The following NTNG2 variants were observed in gnomAD, a reference collection of about 807,000 sequenced individuals.
NTNG2 encodes netrin G2, also known as netrin-G2.
NTNG2 carries 15 observed loss-of-function variants against 47.6 expected under a neutral mutation model. The observed-to-expected ratio is 0.32, with a 90% CI of 0.21 to 0.49. The LOEUF is 0.49. Among genes scored for constraint, NTNG2 ranks in the 20% least tolerant of loss-of-function variants. The pLI is 0.99. For missense variants in NTNG2, 578 were observed against 764.6 expected (o/e 0.76, Z 2.88); for synonymous variants, 307 against 324.6 (o/e 0.95, Z 0.58).
At chr9:132,205,984 G>C (rs7849557) in intron 3 of NTNG2, among the ~76,000 whole-genome samples, 20,533 of 152,186 alleles carry the variant, frequency 0.13, 4,028 homozygotes, top group African/African-American at 0.44. Flanking sequence ...AGACTGTCCA[G>C]GTGCAAATTC....
chr9:132,201,865 A>G (rs78219649), intron 3 of NTNG2, among the ~76,000 whole-genome samples: 1,776 of 152,048 alleles, frequency 0.012, 42 homozygotes, highest in African/African-American at 0.04. Context: ...CCTGATCCCC[A>G]CCCCCTGGAG....
Position 132,191,566 on chromosome 9 carries a change from CT to C in NTNG2, c.214-6389del, listed in dbSNP as rs997046584. On this transcript the variant is annotated intron_variant, in intron 2 of 7. Coordinates refer to ENST00000393229, the MANE Select transcript of NTNG2 (RefSeq NM_032536.4). ...AAAATGGGTATGTTAACTCATCTTT[CT>C]TTTTTTTTTTCTTTTAGACAGAGTC... is the stretch of plus-strand genomic sequence containing the variant. 1.6e-3 allele frequency among the ~76,000 whole-genome samples: 233 copies of C among 147,244 alleles called. 1 individual carries two copies. The highest frequency in any genetic ancestry group is 3.7e-3 in the African/African-American group (147 of 40,118).
chr9:132,218,566 G>A lies in NTNG2; in HGVS notation c.858-8283G>A, dbSNP rs140892939. On this transcript the variant is annotated intron_variant, in intron 3 of 7. Coordinates refer to ENST00000393229, the MANE Select transcript of NTNG2 (RefSeq NM_032536.4). The surrounding 1 kb of genome is among the most constrained non-coding windows in gnomAD (Gnocchi z 5.4). ...GGCTGGAGTGCAATGGCATGACCTCGGCCTACTGCAACCTCCACCTGTTGG... is the reference window on the plus strand; with the variant it reads ...GGCTGGAGTGCAATGGCATGACCTCAGCCTACTGCAACCTCCACCTGTTGG... 7.9e-5 allele frequency among the ~76,000 whole-genome samples: 12 copies of A among 152,062 alleles called. No homozygotes were observed. The highest frequency in any genetic ancestry group is 2.4e-4 in the African/African-American group (10 of 41,470).
chr9:132,241,341 T>G, intron 7 of NTNG2: 1 of 442,790 alleles, frequency 2.3e-6, no homozygotes, highest in Non-Finnish European at 4.0e-6. Context: ...GGACGGGGCC[T>G]AGCGAGACGG....
At chr9:132,241,766 C>A in intron 7 of NTNG2, 110 bp from the exon 8 acceptor site, 1 of 782,672 alleles carries the variant, frequency 1.3e-6, no homozygotes. Context: ...CTCCTACATC[C>A]CCGGCCCAGA....
At chr9:132,174,575 G>C (rs1836265381) in intron 2 of NTNG2, among the ~76,000 whole-genome samples, 1 of 152,150 alleles carries the variant, frequency 6.6e-6, no homozygotes, top group African/African-American at 2.4e-5. Flanking sequence ...GTACAAATAA[G>C]ACGAGACCAG....
intron 2 of NTNG2, among the ~76,000 whole-genome samples, chr9:132,192,428 T>C (rs539876202): frequency 3.3e-5 from 5 of 152,164 alleles, no homozygotes; most frequent in African/African-American, 1.2e-4. Context: ...CTGTCTCTAC[T>C]AAAAATACAA....
intron 3 of NTNG2, among the ~76,000 whole-genome samples, chr9:132,213,472 T>C (rs1839757278): frequency 6.6e-6 from 1 of 152,010 alleles, no homozygotes. Context: ...CTTGGCCATG[T>C]AAGCCCGCAG....
Position 132,242,139 on chromosome 9 carries a change from C to A in NTNG2, c.*28C>A. The A allele has an allele frequency of 9.4e-7, 1 of 1,068,134 alleles. No individual in the cohort carries two copies. Among genetic ancestry groups the A allele is most frequent in the Non-Finnish European group, 1.1e-6 (1 of 875,952 alleles). 66.2% of individuals were successfully genotyped at this position (1,068,134 alleles called of 1,614,324 possible). ...CCCGCCCGGAGGACGCTCCCCGCAC[C>A]CGGAGGCCGGGGGTCCCGGGGTCCC... is the stretch of plus-strand genomic sequence containing the variant. On this transcript the variant is annotated 3_prime_UTR_variant, in exon 8 of 8. Transcript: ENST00000393229. The surrounding 1 kb of genome is among the most constrained non-coding windows in gnomAD (Gnocchi z 5.9).
intron 3 of NTNG2, among the ~76,000 whole-genome samples, chr9:132,224,930 T>C (rs1453877558): frequency 6.6e-6 from 1 of 152,208 alleles, no homozygotes; most frequent in Admixed American, 6.5e-5. Context: ...TCTGCTTTTT[T>C]TTTTCCTTTT....
chr9:132,196,520 A>G (rs758577422), intron 2 of NTNG2, among the ~76,000 whole-genome samples: 9 of 152,264 alleles, frequency 5.9e-5, no homozygotes, highest in Non-Finnish European at 1.2e-4. Context: ...CTCATTCATA[A>G]TGGCATGCAT....
chr9:132,228,139 C>T (rs1328063136), intron 4 of NTNG2, among the ~76,000 whole-genome samples: 1 of 152,260 alleles, frequency 6.6e-6, no homozygotes, highest in African/African-American at 2.4e-5. Flanking sequence ...CAGACCAGGC[C>T]TGGGCAGTGG....
intron 2 of NTNG2, among the ~76,000 whole-genome samples, chr9:132,185,766 C>G (rs1184790753): frequency 6.6e-6 from 1 of 151,658 alleles, no homozygotes; most frequent in Non-Finnish European, 1.5e-5. Context: ...GCCAGTGAAG[C>G]CCTGAGTAGG....
chr9:132,198,320 G>A lies in NTNG2; in HGVS notation c.568G>A (p.Ala190Thr), dbSNP rs752051314. The A allele has an allele frequency of 2.5e-6, 4 of 1,612,800 alleles. No individual in the cohort carries two copies. The highest frequency in any genetic ancestry group is 1.1e-5 in the South Asian group (1 of 91,060). Residue 190 changes from alanine to threonine, a missense_variant, in exon 3 of 8, where the codon GCG becomes ACG. Ala to Thr is a moderately conservative substitution (Grantham distance 58). Transcript: ENST00000393229. ...RRARDMSSSS[A>T]HRVLCTEEYS... ...GGCCCGCGACATGTCATCCTCCAGC[G>A]CGCACCGCGTGCTCTGCACCGAGGA...
intron 2 of NTNG2, among the ~76,000 whole-genome samples, chr9:132,170,483 G>C (rs1835827817): frequency 6.6e-6 from 1 of 152,332 alleles, no homozygotes; most frequent in East Asian, 1.9e-4. Context: ...AGGCAGGAAG[G>C]GCGACGGGCA....
Position 132,166,883 on chromosome 9 carries a change from G to T in NTNG2, c.52G>T (p.Asp18Tyr), listed in dbSNP as rs369843262. 1.2e-6 allele frequency: 2 copies of T among 1,614,092 alleles called. No homozygotes were observed. The highest frequency in any genetic ancestry group is 1.7e-6 in the Non-Finnish European group (2 of 1,180,052). The change falls in exon 2 of 8, where the codon GAC becomes TAC. Residue 18 changes from aspartate to tyrosine, a missense_variant. Coordinates refer to ENST00000393229, the MANE Select transcript of NTNG2 (RefSeq NM_032536.4). ...FLHCLPLASGDYDICKSWVTT... is the reference protein window; with the variant it reads ...FLHCLPLASGYYDICKSWVTT... ...GCACTGCCTCCCTCTGGCCTCTGGG[G>T]ACTATGACATCTGCAAATCCTGGGT...
At chr9:132,189,407 G>A (rs1302689305) in intron 2 of NTNG2, among the ~76,000 whole-genome samples, 1 of 131,344 alleles carries the variant, frequency 7.6e-6, no homozygotes, top group African/African-American at 3.0e-5. Flanking sequence ...AGTACGATTG[G>A]CTTAAAAAAA....
At chr9:132,219,572 C>CA (rs35634958) in intron 3 of NTNG2, among the ~76,000 whole-genome samples, 3,457 of 100,138 alleles carry the variant, frequency 0.035, 71 homozygotes, top group Middle Eastern at 0.064. Flanking sequence ...GACTCTGTCT[C>CA]AAAAAAAAAA....
rs144972533 is a variant in NTNG2 at position 132,205,048 on chromosome 9, G to A, written c.857+6439G>A. Among the ~76,000 whole-genome samples, 799 of 152,302 alleles carry A rather than the reference G, an allele frequency of 5.2e-3. 7 individuals are homozygous for A. The highest frequency in any genetic ancestry group is 0.018 in the African/African-American group (752 of 41,556). On this transcript the variant is annotated intron_variant, in intron 3 of 7. Transcript: ENST00000393229. ...TGGGAACAAAAACGGTGCAGCCACAGGGGAGAACAGTATGGTGGCTCCTGA... is the reference window on the plus strand; with the variant it reads ...TGGGAACAAAAACGGTGCAGCCACAAGGGAGAACAGTATGGTGGCTCCTGA...
Sources: allele counts gnomAD v4.1 joint callset (sites outside exome capture counted in the v4.1 genomes callset), GRCh38; gene constraint gnomAD v4.1.1; non-coding constraint Gnocchi (gnomAD v3.1); transcripts MANE v1.5; gene names NCBI Gene and HGNC (gene_info 2026-07-23, HGNC 2026-07-21).